XXYLT1: variants seen among roughly 807,000 people sequenced by gnomAD.
XXYLT1 encodes UDP-xylose:alpha-xyloside alpha-1,3-xylosyltransferase.
In XXYLT1, 20 loss-of-function variants were observed where a neutral mutation model predicts 28.9. That is an observed-to-expected ratio of 0.69 (90% CI 0.49 to 1.00). The LOEUF is 1.00. Among genes scored for constraint, XXYLT1 ranks in the 50% least tolerant of loss-of-function variants. The pLI is 0.00. For synonymous variants in XXYLT1, 257 were observed against 253.8 expected (o/e 1.01, Z -0.12); for missense variants, 542 against 560.1 (o/e 0.97, Z 0.33).
chr3:195,192,751 G>A (rs1014538894), intron 2 of XXYLT1, among the ~76,000 whole-genome samples: 1 of 152,144 alleles, frequency 6.6e-6, no homozygotes, highest in African/African-American at 2.4e-5. Context: ...CACTGTCCTA[G>A]AAGTTCTAGC....
At chr3:195,185,773 G>C (rs1379783132) in intron 2 of XXYLT1, among the ~76,000 whole-genome samples, 8 of 151,972 alleles carry the variant, frequency 5.3e-5, no homozygotes, top group Admixed American at 5.2e-4. Context: ...TTGCAAGTGA[G>C]CCCAACCCTT....
chr3:195,075,427 G>A (rs888496584), intron 3 of XXYLT1, among the ~76,000 whole-genome samples: 2 of 152,192 alleles, frequency 1.3e-5, no homozygotes, highest in Non-Finnish European at 1.5e-5. Context: ...CCAGGGTCAC[G>A]CTGCTGAAAG....
chr3:195,071,032 C>T (rs968033215), intron 3 of XXYLT1, among the ~76,000 whole-genome samples: 3 of 152,214 alleles, frequency 2.0e-5, no homozygotes, highest in Non-Finnish European at 2.9e-5. Context: ...AGGGTTAAAG[C>T]GCTGCACTGT....
Position 195,195,472 on chromosome 3 carries a change from G to A in XXYLT1, c.652+31237C>T, listed in dbSNP as rs1267953366. Among the ~76,000 whole-genome samples, 4 of 152,276 alleles carry A rather than the reference G, an allele frequency of 2.6e-5. No individual in the cohort carries two copies. The highest frequency in any genetic ancestry group is 1.9e-4 in the East Asian group (1 of 5,192). The stretch of plus-strand genomic sequence containing the variant: ...TCAGAAGTCCCACTGAGAAGTGGCC[G>A]CAGTTCTTCCACTGGACAGAGCCTC... On this transcript the variant is annotated intron_variant, in intron 2 of 3. Coordinates refer to ENST00000310380, the MANE Select transcript of XXYLT1 (RefSeq NM_152531.5). This position sits in a 1 kb window ranked among gnomAD's most constrained non-coding sequence, Gnocchi z 4.4.
At chr3:195,266,652 C>T (rs139209756) in intron 1 of XXYLT1, among the ~76,000 whole-genome samples, 162 of 152,324 alleles carry the variant, frequency 1.1e-3, no homozygotes, top group Middle Eastern at 6.8e-3. Flanking sequence ...ATGCTCCCCA[C>T]GGAAGGTTAC....
chr3:195,178,175 T>A (rs1721767425), intron 2 of XXYLT1, among the ~76,000 whole-genome samples: 1 of 151,894 alleles, frequency 6.6e-6, no homozygotes. Flanking sequence ...CATCCCTCGC[T>A]CTTCCCCTTC....
chr3:195,114,985 C>A (rs374168492), intron 3 of XXYLT1, among the ~76,000 whole-genome samples: 41 of 152,336 alleles, frequency 2.7e-4, no homozygotes, highest in African/African-American at 9.6e-4. Context: ...AGTGTGAATG[C>A]CGCAGGCCCC....
intron 1 of XXYLT1, among the ~76,000 whole-genome samples, chr3:195,249,363 C>T (rs1269542378): frequency 6.6e-6 from 1 of 152,240 alleles, no homozygotes; most frequent in Non-Finnish European, 1.5e-5. Flanking sequence ...ATAGGGCTCA[C>T]ATCAGGCATA....
intron 2 of XXYLT1, among the ~76,000 whole-genome samples, chr3:195,200,015 A>G (rs1048154570): frequency 5.3e-5 from 8 of 152,238 alleles, no homozygotes; most frequent in African/African-American, 1.7e-4. Context: ...AATCTCCAGC[A>G]TGATGGTGTA....
At chr3:195,117,497 G>C (rs1293691373) in intron 3 of XXYLT1, among the ~76,000 whole-genome samples, 1 of 152,220 alleles carries the variant, frequency 6.6e-6, no homozygotes, top group Non-Finnish European at 1.5e-5. Flanking sequence ...ACTTGTACAT[G>C]TATCTATGTG....
intron 1 of XXYLT1, among the ~76,000 whole-genome samples, chr3:195,251,864 A>G (rs1373847321): frequency 6.6e-6 from 1 of 152,150 alleles, no homozygotes; most frequent in African/African-American, 2.4e-5. Context: ...ACACCCCAGG[A>G]CCCAGCAGCC....
In XXYLT1 at chr3:195,270,612, C is replaced by A; in HGVS notation, c.447G>T (p.Glu149Asp). ...LHFVSEEASR[E>D]VAKGLLRELL... ...GCTCCCGCAGCAGGCCCTTGGCCAC[C>A]TCGCGGCTGGCCTCCTCGCTCACGA... Residue 149 changes from glutamate (E) to aspartate (D), a missense_variant, in exon 1 of 4, where the codon GAG (glutamate) becomes GAT (aspartate). Physicochemically the swap from Glu to Asp is conservative, Grantham distance 45 (BLOSUM62 2). Transcript: ENST00000310380. 1 of 1,487,408 alleles carries A rather than the reference C, an allele frequency of 6.7e-7. No individual in the cohort carries two copies. Among genetic ancestry groups the A allele is most frequent in the Non-Finnish European group, 8.9e-7 (1 of 1,119,268 alleles). The allele number at this position is 1,487,408 out of a possible 1,614,324, so 92.1% of individuals were successfully genotyped here. A position where few individuals can be genotyped will look rare whatever the true frequency, so the allele number is the denominator to read the frequency against.
intron 2 of XXYLT1, chr3:195,214,790 C>T (rs1159161101): frequency 6.6e-6 from 1 of 152,220 alleles, no homozygotes; most frequent in Admixed American, 6.5e-5. Flanking sequence ...ATTACTGGTG[C>T]TCGCTTCGGC....
intron 3 of XXYLT1, among the ~76,000 whole-genome samples, chr3:195,110,139 GT>G (rs1717450787): frequency 1.8e-5 from 1 of 54,080 alleles, no homozygotes; most frequent in African/African-American, 7.0e-5. Flanking sequence ...TGTGTGTGGT[GT>G]GTGTGGTGTC....
At chr3:195,143,815 G>GATATAGATAT (rs1474819156) in intron 3 of XXYLT1, among the ~76,000 whole-genome samples, 1 of 77,374 alleles carries the variant, frequency 1.3e-5, no homozygotes, top group Non-Finnish European at 2.6e-5. Flanking sequence ...GATATATATA[G>GATATAGATAT]ATATAGATAT....
At chr3:195,135,509 C>G (rs1253529396) in intron 3 of XXYLT1, among the ~76,000 whole-genome samples, 1 of 152,064 alleles carries the variant, frequency 6.6e-6, no homozygotes, top group East Asian at 1.9e-4. Flanking sequence ...CTTCCATTTT[C>G]CAGGGCAGAT....
intron 3 of XXYLT1, among the ~76,000 whole-genome samples, chr3:195,100,529 C>T (rs1716718395): frequency 6.6e-6 from 1 of 152,070 alleles, no homozygotes; most frequent in Admixed American, 6.5e-5. Context: ...TAGCCCAACA[C>T]ATAAGGCTCC....
At chr3:195,167,947 T>C (rs1043162604) in intron 2 of XXYLT1, among the ~76,000 whole-genome samples, 11 of 152,232 alleles carry the variant, frequency 7.2e-5, no homozygotes, top group Admixed American at 2.0e-4. Flanking sequence ...TGTCCACTCA[T>C]ACTCGATGAA....
chr3:195,222,780 T>C (rs1723884826), intron 2 of XXYLT1, among the ~76,000 whole-genome samples: 1 of 152,174 alleles, frequency 6.6e-6, no homozygotes, highest in Admixed American at 6.5e-5. Flanking sequence ...GCTTCATTTG[T>C]ACAATTTCTT....
Sources: allele counts gnomAD v4.1 joint callset (sites outside exome capture counted in the v4.1 genomes callset), GRCh38; gene constraint gnomAD v4.1.1; non-coding constraint Gnocchi (gnomAD v3.1); transcripts MANE v1.5; gene names NCBI Gene and HGNC (gene_info 2026-07-23, HGNC 2026-07-21).